TRAF3: variants seen among roughly 807,000 people sequenced by gnomAD.
The protein encoded by TRAF3 is TNF receptor associated factor 3, also known as TNF receptor-associated factor 3.
Under a neutral mutation model 62.3 loss-of-function variants are expected in TRAF3, and 13 were observed. The observed-to-expected ratio is 0.21, with a 90% CI of 0.14 to 0.33. The LOEUF (loss-of-function observed/expected upper bound fraction) is 0.33, where lower values mean the gene tolerates loss of function less well. Among genes scored for constraint, TRAF3 ranks in the 10% least tolerant of loss-of-function variants. The pLI, the probability that TRAF3 is intolerant of heterozygous loss-of-function variation, is 1.00. For synonymous variants in TRAF3, 269 were observed against 283.4 expected, an observed-to-expected ratio of 0.95 and a Z score of 0.51; for missense variants, 440 against 741.8, an observed-to-expected ratio of 0.59 and a Z score of 4.73.
chr14:102,796,344 G>A (rs1048013462), intron 1 of TRAF3, among the ~76,000 whole-genome samples: 9 of 152,360 alleles, frequency 5.9e-5, no homozygotes, highest in East Asian at 1.9e-4. Flanking sequence ...CGCCCTTTGC[G>A]TCCCTTCATC....
In TRAF3 at chr14:102,784,837, CAGCAGG is replaced by C. The variant is rs564168397; in HGVS notation, c.-157+7165_-157+7170del. On this transcript the variant is annotated intron_variant, in intron 1 of 11. Transcript: ENST00000392745. ...AGGAGGTAACTCTTAGGGAAGCTAG[CAGCAGG>C]AGTGGGGAAGCCTGGGCTGGCAGGG... Among the ~76,000 whole-genome samples the C allele has an allele frequency of 1.8e-3, 277 of 152,258 alleles. 2 individuals are homozygous for C. Among genetic ancestry groups the C allele is most frequent in the Non-Finnish European group, 3.2e-3 (215 of 68,018 alleles).
chr14:102,807,145 A>C (rs1379763214), intron 1 of TRAF3, among the ~76,000 whole-genome samples: 1 of 152,064 alleles, frequency 6.6e-6, no homozygotes, highest in African/African-American at 2.4e-5. Context: ...TGTCAGAGAG[A>C]TCTAAACATA....
chr14:102,897,540 T>A, intron 10 of TRAF3, 139 bp downstream of exon 10: 1 of 1,211,698 alleles, frequency 8.3e-7, no homozygotes, highest in Non-Finnish European at 1.2e-6. Context: ...CTGGCCTAAG[T>A]GAAGGCTTAG....
At chr14:102,847,073 TA>T (rs913662399) in intron 2 of TRAF3, among the ~76,000 whole-genome samples, 1 of 152,234 alleles carries the variant, frequency 6.6e-6, no homozygotes, top group Non-Finnish European at 1.5e-5. Flanking sequence ...CATGTTCCAT[TA>T]AAAAAATGTG....
At chr14:102,809,412 G>A (rs978091383) in intron 1 of TRAF3, among the ~76,000 whole-genome samples, 1 of 152,118 alleles carries the variant, frequency 6.6e-6, no homozygotes, top group African/African-American at 2.4e-5. Flanking sequence ...TTACAGGCGT[G>A]AGCCACCGCG....
intron 6 of TRAF3, among the ~76,000 whole-genome samples, chr14:102,878,179 C>G (rs1156501490): frequency 1.3e-5 from 2 of 152,100 alleles, no homozygotes; most frequent in African/African-American, 4.8e-5. Flanking sequence ...GATAGATTGC[C>G]TGGTCTTATT....
At chr14:102,781,589 A>ATCTC (rs1897274711) in intron 1 of TRAF3, among the ~76,000 whole-genome samples, 1 of 152,126 alleles carries the variant, frequency 6.6e-6, no homozygotes, top group African/African-American at 2.4e-5. Flanking sequence ...TAGTCTGGGT[A>ATCTC]ACACAGTGAG....
chr14:102,889,731 A>G (rs971725569), intron 8 of TRAF3, 97 bp downstream of exon 8: 5 of 1,427,086 alleles, frequency 3.5e-6, no homozygotes, highest in Non-Finnish European at 3.9e-6. Flanking sequence ...TGGACTCCTT[A>G]TTCTTTGTCA....
chr14:102,901,131 G>A (rs1048320231), intron 10 of TRAF3, among the ~76,000 whole-genome samples: 25 of 152,304 alleles, frequency 1.6e-4, no homozygotes, highest in African/African-American at 5.1e-4. Context: ...TGCGGTGCAC[G>A]CATGTTGTGT....
chr14:102,818,351 A>G (rs1278364987), intron 1 of TRAF3, among the ~76,000 whole-genome samples: 1 of 152,204 alleles, frequency 6.6e-6, no homozygotes, highest in Non-Finnish European at 1.5e-5. Flanking sequence ...CCCCCATTAA[A>G]GTTCTTCAGC....
rs151319284 is a variant in TRAF3, at chr14:102,901,979, A to G, written c.961-1276A>G. Among the ~76,000 whole-genome samples the G allele has an allele frequency of 2.0e-3, 310 of 152,338 alleles. 1 individual carries two copies. Among genetic ancestry groups the G allele is most frequent in the Non-Finnish European group, 3.8e-3 (260 of 68,032 alleles). On this transcript the variant is annotated intron_variant, in intron 10 of 11. Transcript: ENST00000392745. ...CATCACAAGCTGCTTGAAAATGCAC[A>G]TCATTTTTTGAAGTGAAAACCCTTT...
chr14:102,809,794 T>C (rs1899015014), intron 1 of TRAF3, among the ~76,000 whole-genome samples: 1 of 151,982 alleles, frequency 6.6e-6, no homozygotes. Flanking sequence ...CCTCCTAAAG[T>C]GCTGGGATTA....
intron 1 of TRAF3, among the ~76,000 whole-genome samples, chr14:102,778,857 A>G (rs924035964): frequency 4.6e-5 from 7 of 152,216 alleles, no homozygotes; most frequent in Non-Finnish European, 8.8e-5. Context: ...AGATCTTCTC[A>G]TGTCTCTCAC....
At chr14:102,783,771 C>T (rs1361912564) in intron 1 of TRAF3, among the ~76,000 whole-genome samples, 1 of 152,108 alleles carries the variant, frequency 6.6e-6, no homozygotes, top group Non-Finnish European at 1.5e-5. Flanking sequence ...GTGGAGGGTA[C>T]CAACTTTGAG....
chr14:102,905,670 C>T lies in TRAF3; in HGVS notation c.1593C>T (p.Ala531=). Residue 531 remains alanine (A), a synonymous_variant, in exon 12 of 12, where the codon GCC becomes GCT. Coordinates refer to ENST00000392745, the MANE Select transcript of TRAF3 (RefSeq NM_145725.3). ...AGCCCACTGGAGAGATGAATATCGC[C>T]TCTGGCTGCCCAGTCTTTGTGGCCC... The part of the protein sequence containing the change: ...FKKPTGEMNI[A]SGCPVFVAQT... 1.2e-6 allele frequency: 2 copies of T among 1,612,992 alleles called. No individual in the cohort carries two copies. The highest frequency in any genetic ancestry group is 1.7e-6 in the Non-Finnish European group (2 of 1,179,032).
intron 2 of TRAF3, among the ~76,000 whole-genome samples, chr14:102,834,241 A>G (rs1004632405): frequency 1.6e-4 from 25 of 152,168 alleles, no homozygotes; most frequent in Non-Finnish European, 2.8e-4. Flanking sequence ...TGGTACGGGT[A>G]CAAAAGCAGA....
intron 6 of TRAF3, among the ~76,000 whole-genome samples, chr14:102,883,385 C>T (rs1889179041): frequency 6.6e-6 from 1 of 152,158 alleles, no homozygotes; most frequent in African/African-American, 2.4e-5. Context: ...AACAGTGTTT[C>T]ATTTGGCACA....
chr14:102,857,631 G>A (rs920170378), intron 2 of TRAF3, among the ~76,000 whole-genome samples: 3 of 152,210 alleles, frequency 2.0e-5, no homozygotes, highest in African/African-American at 4.8e-5. Flanking sequence ...GTCGGAAAGT[G>A]ACATTCTTTA....
chr14:102,876,462 G>T lies in TRAF3; in HGVS notation c.507G>T (p.Ala169=), dbSNP rs145367471. 6.2e-7 allele frequency: 1 copy of T among 1,614,248 alleles called. No homozygotes were observed. Among genetic ancestry groups the T allele is most frequent in the East Asian group, 2.2e-5 (1 of 44,890 alleles). ...RKDLRDHVEK[A]CKYREATCSH... is the part of the protein sequence containing the mutation. ...ACCTGCGAGACCACGTGGAGAAGGC[G>T]TGTAAATACCGGGAAGCCACATGCA... The change falls in exon 6 of 12, where the codon GCG becomes GCT. Residue 169 remains alanine (A), a synonymous_variant. Coordinates refer to ENST00000392745, the MANE Select transcript of TRAF3 (RefSeq NM_145725.3).
Sources: allele counts gnomAD v4.1 joint callset (sites outside exome capture counted in the v4.1 genomes callset), GRCh38; gene constraint gnomAD v4.1.1; transcripts MANE v1.5; gene names NCBI Gene and HGNC (gene_info 2026-07-23, HGNC 2026-07-21).